The following CYP4F22 variants were observed in gnomAD, a reference collection of about 807,000 sequenced individuals.
CYP4F22 encodes ultra-long-chain fatty acid omega-hydroxylase.
A neutral mutation model predicts 60.4 loss-of-function variants in CYP4F22; 37 were observed. That is an observed-to-expected ratio of 0.61 (90% CI 0.47 to 0.81). CYP4F22 has a LOEUF of 0.81. Ranked by LOEUF, CYP4F22 falls within the 30% of genes least tolerant of loss-of-function variation. The pLI, the probability that CYP4F22 is intolerant of heterozygous loss-of-function variation, is 0.00. For synonymous variants in CYP4F22, 258 were observed against 280.5 expected (o/e 0.92, Z 0.80); for missense variants, 655 against 715.0 (o/e 0.92, Z 0.96).
chr19:15,528,407 A>G lies in CYP4F22; in HGVS notation c.223-1302A>G, dbSNP rs559387984. ...CGCCCCCAGGAGTGACCCTCAACCA[A>G]TGACTGATGGGCATTGGTGTATAAA... On this transcript the variant is annotated intron_variant, in intron 3 of 13. Transcript: ENST00000269703. Among the ~76,000 whole-genome samples the G allele has an allele frequency of 1.3e-3, 201 of 152,164 alleles. 3 individuals carry two copies. Among genetic ancestry groups the G allele is most frequent in the African/African-American group, 4.6e-3 (191 of 41,500 alleles).
At chr19:15,510,060 C>T (rs1011738783) in intron 1 of CYP4F22, among the ~76,000 whole-genome samples, 2 of 151,828 alleles carry the variant, frequency 1.3e-5, no homozygotes, top group African/African-American at 4.8e-5. Context: ...TAGCTCACTG[C>T]AGCCTCGATC....
At chr19:15,537,187 G>C (rs1239308266) in intron 4 of CYP4F22, among the ~76,000 whole-genome samples, 174 bp from the exon 5 acceptor site, 3 of 152,130 alleles carry the variant, frequency 2.0e-5, no homozygotes, top group African/African-American at 7.2e-5. Flanking sequence ...TGTAATCCCA[G>C]CTACTCAGGA....
chr19:15,522,313 A>G (rs1388951146), intron 1 of CYP4F22, among the ~76,000 whole-genome samples: 1 of 152,076 alleles, frequency 6.6e-6, no homozygotes, highest in African/African-American at 2.4e-5. Flanking sequence ...TATCCATCCC[A>G]ATTGGGATCT....
chr19:15,530,583 A>C (rs1971332280), intron 4 of CYP4F22, among the ~76,000 whole-genome samples: 1 of 152,148 alleles, frequency 6.6e-6, no homozygotes, highest in Non-Finnish European at 1.5e-5. Context: ...GTAATTTATA[A>C]AGGAAAGAGG....
chr19:15,517,814 G>C (rs1333243047), intron 1 of CYP4F22, among the ~76,000 whole-genome samples: 1 of 152,140 alleles, frequency 6.6e-6, no homozygotes, highest in African/African-American at 2.4e-5. Context: ...GGACCATCAG[G>C]GCAGAGCTGG....
At chr19:15,537,471 T>G in intron 5 of CYP4F22, 57 bp downstream of exon 5, 1 of 1,613,988 alleles carries the variant, frequency 6.2e-7, no homozygotes, top group South Asian at 1.1e-5. Context: ...GGGAAGAGCA[T>G]GGGGTTCCTT....
At position 15,513,823 on chromosome 19, in the gene CYP4F22, A is replaced by G. The variant is rs376493356; in HGVS notation, c.-109+5240A>G. Reference sequence around the variant, plus strand: ...CGGCCCAGTGCACACACTTCTGTGTATAGTAACACAACATCAAAAGCAACA... The same window carrying G: ...CGGCCCAGTGCACACACTTCTGTGTGTAGTAACACAACATCAAAAGCAACA... On this transcript the variant is annotated intron_variant, in intron 1 of 13. Transcript: ENST00000269703. 5.5e-4 allele frequency among the ~76,000 whole-genome samples: 84 copies of G among 152,294 alleles called. 2 individuals are homozygous for G. The highest frequency in any genetic ancestry group is 2.0e-3 in the African/African-American group (83 of 41,576).
At chr19:15,536,588 C>A (rs961922914) in intron 4 of CYP4F22, among the ~76,000 whole-genome samples, 1 of 151,952 alleles carries the variant, frequency 6.6e-6, no homozygotes, top group African/African-American at 2.4e-5. Context: ...GCTGGGAGCA[C>A]AGGAGGTGTG....
At chr19:15,518,667 AAAG>A (rs1971184411) in intron 1 of CYP4F22, among the ~76,000 whole-genome samples, 1 of 148,606 alleles carries the variant, frequency 6.7e-6, no homozygotes. Context: ...AAAAAAAAAA[AAAG>A]AAACAAAACA....
intron 12 of CYP4F22, among the ~76,000 whole-genome samples, chr19:15,549,920 G>A (rs1215570278): frequency 6.6e-6 from 1 of 151,956 alleles, no homozygotes; most frequent in Admixed American, 6.6e-5. Context: ...ATGAGCTATG[G>A]TTATTTATTT....
intron 1 of CYP4F22, among the ~76,000 whole-genome samples, chr19:15,522,072 G>A (rs1971232718): frequency 6.6e-6 from 1 of 151,366 alleles, no homozygotes; most frequent in Non-Finnish European, 1.5e-5. Context: ...TTGAACCCAG[G>A]AGGCGGAGGT....
chr19:15,541,211 A>G (rs1250982309), intron 8 of CYP4F22, among the ~76,000 whole-genome samples: 1 of 152,242 alleles, frequency 6.6e-6, no homozygotes, highest in Non-Finnish European at 1.5e-5. Flanking sequence ...CACAAACTAA[A>G]TGGCCTAAAC....
In CYP4F22 at chr19:15,524,448, G is replaced by A. The variant is rs1017998884; in HGVS notation, c.-2+649G>A. Among the ~76,000 whole-genome samples, 5 of 152,082 alleles carry A rather than the reference G, an allele frequency of 3.3e-5. No homozygotes were observed. In the South Asian group the frequency reaches 6.2e-4, roughly 19 times the overall value. ...GAGGATCGCTTGAGCCCAGGAGTTC[G>A]AGACCAGCCTGGGCAACATGGCAAA... On this transcript the variant is annotated intron_variant, in intron 2 of 13. Transcript: ENST00000269703.
intron 1 of CYP4F22, among the ~76,000 whole-genome samples, chr19:15,515,118 C>T (rs1971138192): frequency 2.0e-5 from 3 of 152,270 alleles, no homozygotes; most frequent in South Asian, 4.1e-4. Context: ...GCTGGTATTG[C>T]GTAGGGACAG....
chr19:15,509,850 A>G (rs1370967972), intron 1 of CYP4F22, among the ~76,000 whole-genome samples: 1 of 134,532 alleles, frequency 7.4e-6, no homozygotes, highest in Non-Finnish European at 1.6e-5. Flanking sequence ...AATGGGACCC[A>G]TCTCTCCTTC....
intron 1 of CYP4F22, among the ~76,000 whole-genome samples, chr19:15,522,477 T>A (rs757821770): frequency 1.3e-5 from 2 of 151,820 alleles, no homozygotes; most frequent in Non-Finnish European, 2.9e-5. Context: ...GAATTTGAGA[T>A]CAGCCTGGGT....
At position 15,539,466 on chromosome 19, in the gene CYP4F22, G is replaced by A. The variant is rs945594566; in HGVS notation, c.672-984G>A. On this transcript the variant is annotated intron_variant, in intron 7 of 13. Coordinates refer to ENST00000269703, the MANE Select transcript of CYP4F22 (RefSeq NM_173483.4). ...TCGATGGACACTGTTTCCACTTTTC[G>A]ACCTTTATGAATAATGCTGCTATTA... 3.3e-5 allele frequency among the ~76,000 whole-genome samples: 5 copies of A among 152,198 alleles called. No homozygotes were observed. In the East Asian group the frequency reaches 7.7e-4, roughly 23 times the overall value.
At chr19:15,513,633 G>C (rs1172525989) in intron 1 of CYP4F22, among the ~76,000 whole-genome samples, 2 of 152,160 alleles carry the variant, frequency 1.3e-5, no homozygotes, top group Non-Finnish European at 1.5e-5. Flanking sequence ...CAAAGTGCTG[G>C]GATTACAAGC....
intron 8 of CYP4F22, among the ~76,000 whole-genome samples, chr19:15,542,302 TGGGA>T (rs1258656620): frequency 1.3e-5 from 2 of 151,810 alleles, no homozygotes; most frequent in African/African-American, 2.4e-5. Context: ...GAAGCTGAGG[TGGGA>T]GGATCACCTG....
Sources: gnomAD v4.1 joint callset for allele counts (sites outside exome capture counted in the v4.1 genomes callset) on GRCh38, gnomAD v4.1.1 for gene constraint, MANE v1.5 for transcripts, NCBI Gene and HGNC (gene_info 2026-07-23, HGNC 2026-07-21) for gene names.